Variants in VWC2L observed in about 807,000 individuals in gnomAD.
VWC2L encodes von Willebrand factor C domain-containing protein 2-like.
In VWC2L, 10 loss-of-function variants were observed where a neutral mutation model predicts 21.6. The observed-to-expected ratio is 0.46, with a 90% confidence interval of 0.29 to 0.78. The LOEUF (loss-of-function observed/expected upper bound fraction) is 0.78, where lower values mean the gene tolerates loss of function less well. VWC2L is among the 30% of genes least tolerant of loss of function. The pLI is 0.10. For missense variants in VWC2L, 209 were observed against 277.1 expected (o/e 0.75, Z 1.74); for synonymous variants, 96 against 94.3 (o/e 1.02, Z -0.10).
chr2:214,487,319 T>G (rs1385591198), intron 3 of VWC2L, among the ~76,000 whole-genome samples: 1 of 151,826 alleles, frequency 6.6e-6, no homozygotes, highest in African/African-American at 2.4e-5. Context: ...CTTGAAGAAC[T>G]GAAAGTCTTC....
chr2:214,551,346 C>T (rs1689791568), intron 3 of VWC2L, among the ~76,000 whole-genome samples: 1 of 152,088 alleles, frequency 6.6e-6, no homozygotes, highest in Non-Finnish European at 1.5e-5. Context: ...TTTTAAGCAC[C>T]TTGAGCTGTA....
At chr2:214,501,848 T>C (rs901977483) in intron 3 of VWC2L, among the ~76,000 whole-genome samples, 7 of 151,982 alleles carry the variant, frequency 4.6e-5, no homozygotes. Flanking sequence ...TACCCTGCTG[T>C]ACAGGCCACG....
At chr2:214,413,123 TAA>T (rs1395901243) in intron 1 of VWC2L, among the ~76,000 whole-genome samples, 1 of 152,116 alleles carries the variant, frequency 6.6e-6, no homozygotes, top group Admixed American at 6.6e-5. Context: ...GGTTAACACT[TAA>T]TTACAGTTTT....
At chr2:214,557,486 T>TGCTGA in intron 3 of VWC2L, among the ~76,000 whole-genome samples, 1 of 152,220 alleles carries the variant, frequency 6.6e-6, no homozygotes, top group Non-Finnish European at 1.5e-5. Context: ...TCCACAATAT[T>TGCTGA]GCTGAGCTCT....
intron 3 of VWC2L, among the ~76,000 whole-genome samples, chr2:214,465,392 G>A (rs948291690): frequency 6.6e-6 from 1 of 152,152 alleles, no homozygotes. Context: ...AAGGGAACAT[G>A]TTCCCTTCTG....
At chr2:214,545,224 A>G (rs542710247) in intron 3 of VWC2L, among the ~76,000 whole-genome samples, 2 of 152,330 alleles carry the variant, frequency 1.3e-5, no homozygotes, top group African/African-American at 4.8e-5. Context: ...TATTTAAAAT[A>G]GAAAAAAATC....
chr2:214,442,257 A>G (rs921343198), intron 3 of VWC2L, among the ~76,000 whole-genome samples: 4 of 152,196 alleles, frequency 2.6e-5, no homozygotes, highest in African/African-American at 4.8e-5. Context: ...GTGTATACGA[A>G]AAAAGTTAAG....
intron 3 of VWC2L, 63 bp downstream of exon 3, chr2:214,436,821 T>C: frequency 1.3e-6 from 2 of 1,589,720 alleles, no homozygotes; most frequent in South Asian, 1.1e-5. Flanking sequence ...ATTTCACTAC[T>C]GCATACCATT....
chr2:214,511,917 T>TACACAC (rs1483959963), intron 3 of VWC2L, among the ~76,000 whole-genome samples: 8 of 15,310 alleles, frequency 5.2e-4, no homozygotes, highest in African/African-American at 7.0e-4. Flanking sequence ...TATATATACA[T>TACACAC]ATACACACAC....
At chr2:214,515,846 G>T (rs779564765) in intron 3 of VWC2L, among the ~76,000 whole-genome samples, 15 of 152,136 alleles carry the variant, frequency 9.9e-5, no homozygotes, top group Non-Finnish European at 1.9e-4. Flanking sequence ...AGCGTGTACA[G>T]GGATTACAGT....
At chr2:214,506,842 A>G (rs1205557538) in intron 3 of VWC2L, among the ~76,000 whole-genome samples, 5 of 152,138 alleles carry the variant, frequency 3.3e-5, no homozygotes, top group African/African-American at 9.6e-5. Context: ...TGTTTTGTGA[A>G]CAATGGAATA....
intron 3 of VWC2L, among the ~76,000 whole-genome samples, chr2:214,454,598 C>CTTTTTTTTTTTTTTTT (rs34032234): frequency 1.1e-4 from 7 of 64,134 alleles, no homozygotes; most frequent in Admixed American, 2.6e-4. Flanking sequence ...GATTGATTTT[C>CTTTTTTTTTTTTTTTT]TTTTTTTTTT....
At chr2:214,506,951 CT>C (rs1004405196) in intron 3 of VWC2L, among the ~76,000 whole-genome samples, 1 of 135,576 alleles carries the variant, frequency 7.4e-6, no homozygotes, top group African/African-American at 2.6e-5. Flanking sequence ...GTCTGGGTGG[CT>C]AAAATTACTG....
At chr2:214,557,994 T>C (rs1689900805) in intron 3 of VWC2L, among the ~76,000 whole-genome samples, 1 of 152,192 alleles carries the variant, frequency 6.6e-6, no homozygotes, top group Admixed American at 6.5e-5. Context: ...CATCCATTCA[T>C]CAGTCTTCCC....
At chr2:214,476,288 C>T (rs1415227276) in intron 3 of VWC2L, among the ~76,000 whole-genome samples, 2 of 152,072 alleles carry the variant, frequency 1.3e-5, no homozygotes, top group Non-Finnish European at 2.9e-5. Context: ...TATTCATAAC[C>T]AAATCATGCA....
chr2:214,543,395 A>G (rs1051207093), intron 3 of VWC2L, among the ~76,000 whole-genome samples: 1 of 152,242 alleles, frequency 6.6e-6, no homozygotes, highest in African/African-American at 2.4e-5. Flanking sequence ...GATAGGAATT[A>G]TAGGGAAAAG....
chr2:214,564,681 T>C (rs1194631443), intron 3 of VWC2L, among the ~76,000 whole-genome samples: 1 of 152,162 alleles, frequency 6.6e-6, no homozygotes, highest in Non-Finnish European at 1.5e-5. Flanking sequence ...AAATACATTA[T>C]CATTTTAATA....
chr2:214,467,332 C>G (rs1703231678), intron 3 of VWC2L, among the ~76,000 whole-genome samples: 1 of 152,202 alleles, frequency 6.6e-6, no homozygotes, highest in African/African-American at 2.4e-5. Context: ...ATCTCCAGGT[C>G]TGTTGAGTTT....
At chr2:214,545,790 C>A (rs889140033) in intron 3 of VWC2L, among the ~76,000 whole-genome samples, 1 of 152,090 alleles carries the variant, frequency 6.6e-6, no homozygotes, top group Non-Finnish European at 1.5e-5. Flanking sequence ...AACAATCTGG[C>A]CACAGAGGCA....
Sources: gnomAD v4.1 joint callset for allele counts (sites outside exome capture counted in the v4.1 genomes callset) on GRCh38, gnomAD v4.1.1 for gene constraint, MANE v1.5 for transcripts, NCBI Gene and HGNC (gene_info 2026-07-23, HGNC 2026-07-21) for gene names.